Variants in ANKS1B observed in about 807,000 individuals in gnomAD.
ANKS1B encodes ankyrin repeat and sterile alpha motif domain containing 1B, also known as ankyrin repeat and sterile alpha motif domain-containing protein 1B.
A neutral mutation model predicts 148.3 loss-of-function variants in ANKS1B; 36 were observed. The observed-to-expected ratio is 0.24, with a 90% confidence interval of 0.19 to 0.32. ANKS1B has a LOEUF of 0.32. Ranked by LOEUF, ANKS1B falls within the 10% of genes least tolerant of loss-of-function variation. ANKS1B has a pLI of 1.00. For synonymous variants in ANKS1B, 542 were observed against 560.8 expected, an observed-to-expected ratio of 0.97 and a Z score of 0.47; for missense variants, 1,157 against 1,542.6, an observed-to-expected ratio of 0.75 and a Z score of 4.19.
At chr12:99,803,345 A>G (rs1324317290) in intron 4 of ANKS1B, among the ~76,000 whole-genome samples, 4 of 149,672 alleles carry the variant, frequency 2.7e-5, no homozygotes, top group East Asian at 2.0e-4. Flanking sequence ...CAAAGCAACA[A>G]TAACAAAAGC....
At chr12:99,323,239 A>G (rs1425930016) in intron 12 of ANKS1B, among the ~76,000 whole-genome samples, 1 of 152,146 alleles carries the variant, frequency 6.6e-6, no homozygotes, top group Non-Finnish European at 1.5e-5. Flanking sequence ...ACCTATTTCT[A>G]TCACAGCAAG....
intron 2 of ANKS1B, 112 bp from the exon 3 acceptor site, chr12:99,812,423 A>C: frequency 8.5e-7 from 1 of 1,170,458 alleles, no homozygotes; most frequent in Admixed American, 2.7e-5. Context: ...GTAATCATTC[A>C]AGGTACTAAG....
chr12:99,859,023 C>A lies in ANKS1B; in HGVS notation c.135-33634G>T, dbSNP rs186709192. On this transcript the variant is annotated intron_variant, in intron 1 of 26. Transcript: ENST00000683438. ...TAAATAATAAAAGAAATAGGGAAAA[C>A]CAGAACCAGTAAAAGTACTATAATT... Among the ~76,000 whole-genome samples the A allele has an allele frequency of 3.1e-3, 472 of 152,200 alleles. 12 individuals are homozygous for A. Among genetic ancestry groups the A allele is most frequent in the Admixed American group, 0.027 (419 of 15,284 alleles).
At chr12:99,553,359 T>C (rs1407473432) in intron 9 of ANKS1B, among the ~76,000 whole-genome samples, 1 of 152,200 alleles carries the variant, frequency 6.6e-6, no homozygotes, top group Non-Finnish European at 1.5e-5. Context: ...ACCAAATATC[T>C]GAACATCTCA....
chr12:99,440,966 A>G (rs2152785744), intron 11 of ANKS1B, among the ~76,000 whole-genome samples: 1 of 152,010 alleles, frequency 6.6e-6, no homozygotes, highest in South Asian at 2.1e-4. Flanking sequence ...TGAACACATC[A>G]GCTAATGGTC....
At chr12:98,838,199 T>C (rs1459561207) in intron 17 of ANKS1B, among the ~76,000 whole-genome samples, 1 of 152,234 alleles carries the variant, frequency 6.6e-6, no homozygotes, top group Non-Finnish European at 1.5e-5. Flanking sequence ...TGGTTTGTGC[T>C]CCTTTCTGGA....
intron 22 of ANKS1B, among the ~76,000 whole-genome samples, chr12:98,788,737 T>C (rs1344619429): frequency 6.6e-6 from 1 of 152,256 alleles, no homozygotes; most frequent in East Asian, 1.9e-4. Flanking sequence ...ACTACTGCTC[T>C]AAAAATGCGG....
intron 11 of ANKS1B, among the ~76,000 whole-genome samples, chr12:99,442,670 A>G (rs1169354208): frequency 1.3e-5 from 2 of 152,000 alleles, no homozygotes; most frequent in Non-Finnish European, 2.9e-5. Flanking sequence ...GTGGCTATCC[A>G]AAATTTAAGT....
chr12:98,945,980 C>A (rs1443553222), intron 17 of ANKS1B, among the ~76,000 whole-genome samples: 1 of 152,202 alleles, frequency 6.6e-6, no homozygotes, highest in Non-Finnish European at 1.5e-5. Context: ...TCCTCTCCAT[C>A]CACCTTCTCC....
At chr12:99,128,107 T>C (rs2064954508) in intron 15 of ANKS1B, among the ~76,000 whole-genome samples, 1 of 152,176 alleles carries the variant, frequency 6.6e-6, no homozygotes, top group Non-Finnish European at 1.5e-5. Flanking sequence ...TTCAAGAAAG[T>C]TTATTGACTA....
intron 14 of ANKS1B, among the ~76,000 whole-genome samples, chr12:99,196,487 T>C (rs980368224): frequency 6.6e-6 from 1 of 152,158 alleles, no homozygotes; most frequent in Non-Finnish European, 1.5e-5. Flanking sequence ...TTCTGTCAAT[T>C]ACCACCAGGG....
At chr12:99,283,205 T>C (rs942713301) in intron 12 of ANKS1B, among the ~76,000 whole-genome samples, 5 of 152,160 alleles carry the variant, frequency 3.3e-5, no homozygotes, top group African/African-American at 1.2e-4. Context: ...TGGGAAAGCA[T>C]ACATAAGATC....
intron 9 of ANKS1B, among the ~76,000 whole-genome samples, chr12:99,547,951 G>A (rs1218990367): frequency 1.3e-5 from 2 of 152,136 alleles, no homozygotes; most frequent in East Asian, 3.8e-4. Context: ...AGGAATAAAT[G>A]TATGCCCTTC....
At chr12:99,713,334 ATCT>A (rs1382508540) in intron 8 of ANKS1B, among the ~76,000 whole-genome samples, 1 of 152,216 alleles carries the variant, frequency 6.6e-6, no homozygotes, top group Non-Finnish European at 1.5e-5. Flanking sequence ...TTGTAATCAA[ATCT>A]TCTAACTTTA....
At chr12:99,395,513 T>C (rs2094214531) in intron 12 of ANKS1B, among the ~76,000 whole-genome samples, 1 of 152,198 alleles carries the variant, frequency 6.6e-6, no homozygotes, top group South Asian at 2.1e-4. Context: ...GACCTGTTAA[T>C]TACTCTTTCC....
intron 8 of ANKS1B, among the ~76,000 whole-genome samples, chr12:99,702,700 A>T (rs1014705663): frequency 8.4e-6 from 1 of 118,444 alleles, no homozygotes; most frequent in Non-Finnish European, 1.8e-5. Flanking sequence ...GCACCACCAA[A>T]CCCAGCTAAT....
At chr12:99,147,503 AC>A (rs1351024202) in intron 15 of ANKS1B, among the ~76,000 whole-genome samples, 16 of 152,156 alleles carry the variant, frequency 1.1e-4, no homozygotes, top group African/African-American at 3.9e-4. Flanking sequence ...GTAACTGAGA[AC>A]CTTTGAAGGA....
chr12:98,893,461 A>C (rs1196516796), intron 17 of ANKS1B: 1 of 152,174 alleles, frequency 6.6e-6, no homozygotes, highest in East Asian at 1.9e-4. Flanking sequence ...TCTAACTTTA[A>C]CGTGAGCCCA....
chr12:99,304,065 C>T (rs530135680), intron 12 of ANKS1B, among the ~76,000 whole-genome samples: 1 of 152,104 alleles, frequency 6.6e-6, no homozygotes, highest in Non-Finnish European at 1.5e-5. Flanking sequence ...AATTGTGCTG[C>T]TATAAACATG....
Sources: gnomAD v4.1 joint callset for allele counts (sites outside exome capture counted in the v4.1 genomes callset) on GRCh38, gnomAD v4.1.1 for gene constraint, MANE v1.5 for transcripts, NCBI Gene and HGNC (gene_info 2026-07-23, HGNC 2026-07-21) for gene names.